THSD7B: variants seen among roughly 807,000 people sequenced by gnomAD.
THSD7B encodes thrombospondin type 1 domain containing 7B.
THSD7B carries 138 observed loss-of-function variants against 213.6 expected under a neutral mutation model. The observed-to-expected ratio is 0.65, with a 90% CI of 0.56 to 0.74. The LOEUF (loss-of-function observed/expected upper bound fraction) is 0.74, where lower values mean the gene tolerates loss of function less well. THSD7B is among the 30% of genes least tolerant of loss of function. The pLI, the probability that THSD7B is intolerant of heterozygous loss-of-function variation, is 0.00. For missense variants in THSD7B, 1,931 were observed against 1,991.5 expected, an observed-to-expected ratio of 0.97 and a Z score of 0.58; for synonymous variants, 742 against 687.0, an observed-to-expected ratio of 1.08 and a Z score of -1.25.
At chr2:136,766,685 A>G (rs931631008) in intron 1 of THSD7B, among the ~76,000 whole-genome samples, 2 of 152,126 alleles carry the variant, frequency 1.3e-5, no homozygotes, top group African/African-American at 4.8e-5. Context: ...CTGAGCTCAG[A>G]GCTTCCCATA....
At chr2:137,000,857 C>T (rs1195588904) in intron 2 of THSD7B, among the ~76,000 whole-genome samples, 1 of 152,040 alleles carries the variant, frequency 6.6e-6, no homozygotes, top group African/African-American at 2.4e-5. Context: ...AAGGAAACCT[C>T]ACCTACAAGC....
chr2:136,833,433 ATTTTT>A (rs56778387), intron 1 of THSD7B, among the ~76,000 whole-genome samples: 10 of 112,074 alleles, frequency 8.9e-5, no homozygotes, highest in African/African-American at 3.4e-4. Flanking sequence ...ATTATTTTCT[ATTTTT>A]TTTTTTTTTG....
intron 1 of THSD7B, among the ~76,000 whole-genome samples, chr2:136,796,518 C>A (rs1682067276): frequency 2.0e-5 from 3 of 151,948 alleles, no homozygotes; most frequent in African/African-American, 7.2e-5. Flanking sequence ...CACTTAAAAC[C>A]TTTTCAGAGG....
At chr2:137,283,881 C>T (rs905435297) in intron 12 of THSD7B, among the ~76,000 whole-genome samples, 17 of 152,078 alleles carry the variant, frequency 1.1e-4, no homozygotes, top group African/African-American at 4.1e-4. Context: ...GTATCTCTTC[C>T]CAGCTTTGGT....
At chr2:136,946,471 C>T (rs1251231954) in intron 2 of THSD7B, among the ~76,000 whole-genome samples, 1 of 152,206 alleles carries the variant, frequency 6.6e-6, no homozygotes, top group Non-Finnish European at 1.5e-5. Flanking sequence ...TCTCTCCATT[C>T]TCCGAGCTCA....
At chr2:137,434,945 T>G (rs920666697) in intron 14 of THSD7B, among the ~76,000 whole-genome samples, 10 of 152,234 alleles carry the variant, frequency 6.6e-5, no homozygotes, top group African/African-American at 2.4e-4. Flanking sequence ...CTCATTATAG[T>G]TCATTGCCTA....
chr2:137,144,144 T>C (rs1679645161), intron 5 of THSD7B, among the ~76,000 whole-genome samples: 1 of 152,016 alleles, frequency 6.6e-6, no homozygotes, highest in African/African-American at 2.4e-5. Flanking sequence ...AAGTAGTGCC[T>C]TTTGAGGCAT....
At chr2:137,200,029 A>C (rs1680843984) in intron 7 of THSD7B, among the ~76,000 whole-genome samples, 1 of 152,106 alleles carries the variant, frequency 6.6e-6, no homozygotes, top group African/African-American at 2.4e-5. Flanking sequence ...CCTTAAAAGG[A>C]TGTAATTCCT....
chr2:136,771,020 G>C (rs1029635589), intron 1 of THSD7B, among the ~76,000 whole-genome samples: 1 of 152,082 alleles, frequency 6.6e-6, no homozygotes, highest in South Asian at 2.1e-4. Context: ...TGCCACAACT[G>C]TAAATTCTTC....
intron 13 of THSD7B, among the ~76,000 whole-genome samples, chr2:137,411,052 A>G (rs557021861): frequency 6.6e-6 from 1 of 152,374 alleles, no homozygotes; most frequent in Non-Finnish European, 1.5e-5. Context: ...GAATCTCTCA[A>G]AATGAAAGAG....
chr2:137,575,743 T>TA (rs1558845591), intron 17 of THSD7B, among the ~76,000 whole-genome samples: 162 of 143,906 alleles, frequency 1.1e-3, no homozygotes, highest in African/African-American at 3.8e-3. Flanking sequence ...TATATATATA[T>TA]TTTTACTTTA....
intron 4 of THSD7B, among the ~76,000 whole-genome samples, chr2:137,113,165 G>A (rs1344753615): frequency 6.6e-6 from 1 of 152,124 alleles, no homozygotes; most frequent in African/African-American, 2.4e-5. Context: ...TGAGATCTTG[G>A]TAATCATCCA....
At chr2:137,271,387 A>C (rs963798509) in intron 10 of THSD7B, among the ~76,000 whole-genome samples, 3 of 139,304 alleles carry the variant, frequency 2.2e-5, no homozygotes, top group Non-Finnish European at 3.1e-5. Context: ...ATATATATAT[A>C]TTATGAATTA....
chr2:137,667,676 T>C, intron 26 of THSD7B, 98 bp from the exon 27 acceptor site: 1 of 929,094 alleles, frequency 1.1e-6, no homozygotes, highest in Non-Finnish European at 1.7e-6. Context: ...ACAGAACTGA[T>C]GGTCAGCTTG....
At chr2:137,580,193 A>G (rs1681545048) in intron 17 of THSD7B, among the ~76,000 whole-genome samples, 1 of 152,038 alleles carries the variant, frequency 6.6e-6, no homozygotes, top group Non-Finnish European at 1.5e-5. Context: ...TCTGGATTCC[A>G]TTTTCTAGAT....
At chr2:136,918,940 G>A (rs11901634) in intron 2 of THSD7B, among the ~76,000 whole-genome samples, 6,270 of 152,256 alleles carry the variant, frequency 0.041, 272 homozygotes, top group African/African-American at 0.1. Context: ...CTGGGCATGC[G>A]TGAGTGATGG....
At chr2:137,502,405 T>G (rs1424841351) in intron 15 of THSD7B, among the ~76,000 whole-genome samples, 1 of 151,800 alleles carries the variant, frequency 6.6e-6, no homozygotes, top group East Asian at 1.9e-4. Context: ...AACAGATGGA[T>G]AGAAAAAGAG....
chr2:137,469,139 C>T (rs1688046762), intron 15 of THSD7B, among the ~76,000 whole-genome samples: 1 of 152,072 alleles, frequency 6.6e-6, no homozygotes, highest in African/African-American at 2.4e-5. Context: ...TGGCTCCTCA[C>T]CCTTGGGATT....
chr2:137,196,376 GTTTTTTTTTTTTTTT>G (rs60814872), intron 7 of THSD7B, among the ~76,000 whole-genome samples: 1 of 99,970 alleles, frequency 1.0e-5, no homozygotes, highest in Admixed American at 1.2e-4. Context: ...AAAACCTGCT[GTTTTTTTTTTTTTTT>G]TTTTTTTTTT....
Sources: gnomAD v4.1 joint callset for allele counts (sites outside exome capture counted in the v4.1 genomes callset) on GRCh38, gnomAD v4.1.1 for gene constraint, MANE v1.5 for transcripts, NCBI Gene and HGNC (gene_info 2026-07-23, HGNC 2026-07-21) for gene names.